RCBTB2: variants seen among roughly 807,000 people sequenced by gnomAD.
RCBTB2 encodes RCC1 and BTB domain-containing protein 2.
RCBTB2 carries 55 observed loss-of-function variants against 65.4 expected under a neutral mutation model. That is an observed-to-expected ratio of 0.84 (90% CI 0.68 to 1.05). The LOEUF (loss-of-function observed/expected upper bound fraction) is 1.05. Ranked by LOEUF, RCBTB2 falls within the 50% of genes least tolerant of loss-of-function variation. The pLI is 0.00. For synonymous variants in RCBTB2, 220 were observed against 255.2 expected (o/e 0.86, Z 1.31); for missense variants, 599 against 680.1 (o/e 0.88, Z 1.33).
At chr13:48,523,797 G>T (rs1951555713) in intron 2 of RCBTB2, among the ~76,000 whole-genome samples, 1 of 152,040 alleles carries the variant, frequency 6.6e-6, no homozygotes, top group African/African-American at 2.4e-5. Flanking sequence ...CTTTTGAGTA[G>T]GAAATAACCT....
intron 3 of RCBTB2, among the ~76,000 whole-genome samples, 172 bp from the exon 4 acceptor site, chr13:48,522,134 A>G (rs1349973353): frequency 1.3e-5 from 2 of 152,222 alleles, no homozygotes; most frequent in Non-Finnish European, 2.9e-5. Flanking sequence ...TAAAACTCCA[A>G]AAATGTTTTA....
chr13:48,533,000 C>T (rs1455081071), intron 1 of RCBTB2, 28 bp downstream of exon 1: 1 of 455,566 alleles, frequency 2.2e-6, no homozygotes, highest in East Asian at 7.0e-5. Context: ...CCCCCTCGGC[C>T]TCCCACACCA....
chr13:48,502,489 T>C (rs1214177413), intron 11 of RCBTB2, among the ~76,000 whole-genome samples: 1 of 151,998 alleles, frequency 6.6e-6, no homozygotes, highest in African/African-American at 2.4e-5. Flanking sequence ...CAAGACCTCA[T>C]CTTTCTCTCT....
chr13:48,501,681 A>G, intron 12 of RCBTB2, 61 bp downstream of exon 12: 1 of 1,446,042 alleles, frequency 6.9e-7, no homozygotes. Flanking sequence ...ATAGTTGGAC[A>G]CTTAGAATAT....
chr13:48,507,152 T>C (rs1950545541), intron 10 of RCBTB2, among the ~76,000 whole-genome samples: 1 of 152,210 alleles, frequency 6.6e-6, no homozygotes, highest in Non-Finnish European at 1.5e-5. Context: ...TTGTGACATA[T>C]ACCTGGCACA....
chr13:48,518,483 A>G (rs2138588521), intron 4 of RCBTB2, among the ~76,000 whole-genome samples: 1 of 145,970 alleles, frequency 6.9e-6, no homozygotes, highest in South Asian at 2.1e-4. Flanking sequence ...ATATATATAT[A>G]TATATATATA....
intron 14 of RCBTB2, 144 bp downstream of exon 14, chr13:48,496,047 G>A (rs969956075): frequency 1.7e-5 from 11 of 629,502 alleles, no homozygotes; most frequent in African/African-American, 3.8e-5. Context: ...TTGCTTATAC[G>A]TTGTCTAGTA....
At chr13:48,526,851 G>A (rs1156389807) in intron 1 of RCBTB2, among the ~76,000 whole-genome samples, 1 of 152,012 alleles carries the variant, frequency 6.6e-6, no homozygotes, top group African/African-American at 2.4e-5. Flanking sequence ...GGGAGGCAGA[G>A]GTTACAGTGA....
At chr13:48,500,233 C>A (rs9316384) in intron 12 of RCBTB2, among the ~76,000 whole-genome samples, 16,551 of 152,174 alleles carry the variant, frequency 0.11, 2,383 homozygotes, top group African/African-American at 0.33. Flanking sequence ...CTAGGGTGGG[C>A]CCTAATCCAA....
chr13:48,515,432 C>A lies in RCBTB2; in HGVS notation c.199-77G>T, dbSNP rs557219849. The A allele has an allele frequency of 6.9e-6, 10 of 1,457,264 alleles. No individual in the cohort carries two copies. The South Asian group carries it at 1.2e-4, about 17-fold the overall frequency. 90.3% of individuals were successfully genotyped at this position (1,457,264 alleles called of 1,614,324 possible). A position where few individuals can be genotyped will look rare whatever the true frequency, so the allele number is the denominator to read the frequency against. On this transcript the variant is annotated intron_variant, in intron 5 of 14. Coordinates refer to ENST00000344532, the MANE Select transcript of RCBTB2 (RefSeq NM_001268.4). ...TAAATTACATCCAAACAGGAATCAT[C>A]TTCCTTAAGCAAACTGCTTCTTTAT...
intron 10 of RCBTB2, among the ~76,000 whole-genome samples, chr13:48,506,877 CTA>C (rs1233616967): frequency 1.3e-5 from 2 of 152,176 alleles, no homozygotes; most frequent in East Asian, 3.8e-4. Context: ...GGGTAATGTT[CTA>C]TGAAAAATGT....
chr13:48,522,046 C>G, intron 3 of RCBTB2, 84 bp from the exon 4 acceptor site: 1 of 1,160,770 alleles, frequency 8.6e-7, no homozygotes, highest in East Asian at 2.3e-5. Flanking sequence ...TTCTAATTAG[C>G]AGGGAAAATA....
At chr13:48,527,162 G>A (rs145924662) in intron 1 of RCBTB2, among the ~76,000 whole-genome samples, 28 of 151,418 alleles carry the variant, frequency 1.8e-4, no homozygotes, top group Non-Finnish European at 3.7e-4. Context: ...GCTGGCAACA[G>A]TATTGGGAAG....
intron 9 of RCBTB2, among the ~76,000 whole-genome samples, chr13:48,511,304 T>C (rs1200447287): frequency 6.6e-6 from 1 of 152,228 alleles, no homozygotes; most frequent in Non-Finnish European, 1.5e-5. Context: ...TTGTATACAA[T>C]ACATCATCTC....
At chr13:48,511,104 A>G (rs1950767783) in intron 9 of RCBTB2, among the ~76,000 whole-genome samples, 1 of 152,204 alleles carries the variant, frequency 6.6e-6, no homozygotes, top group Admixed American at 6.5e-5. Context: ...AACATGTTCA[A>G]TTTGAAAAAT....
intron 10 of RCBTB2, among the ~76,000 whole-genome samples, chr13:48,510,316 A>T (rs1009343668): frequency 2.0e-5 from 3 of 152,176 alleles, no homozygotes; most frequent in African/African-American, 7.2e-5. Flanking sequence ...AAAACAGGAA[A>T]AGGAGGAGGG....
rs182079819 is a variant in RCBTB2 at position 48,528,815 on chromosome 13, T to A, written c.-218-4058A>T. Among the ~76,000 whole-genome samples, 14 of 152,260 alleles carry A rather than the reference T, an allele frequency of 9.2e-5. No homozygotes were observed. In the East Asian group the frequency reaches 2.7e-3, roughly 29 times the overall value. Reference sequence around the variant, plus strand: ...AACAGTAAAATACCTACATGGCTAATTAAAATGGAACAATTATAAACAGGA... The same window carrying A: ...AACAGTAAAATACCTACATGGCTAAATAAAATGGAACAATTATAAACAGGA... On this transcript the variant is annotated intron_variant, in intron 1 of 14. Transcript: ENST00000344532.
intron 1 of RCBTB2, among the ~76,000 whole-genome samples, chr13:48,531,569 C>G (rs1434772638): frequency 1.3e-5 from 2 of 152,176 alleles, no homozygotes; most frequent in African/African-American, 4.8e-5. Flanking sequence ...CTGGAAATAC[C>G]AAACGCAGAC....
At chr13:48,527,329 A>ATATGATATATATT (rs1951808136) in intron 1 of RCBTB2, among the ~76,000 whole-genome samples, 1 of 80,962 alleles carries the variant, frequency 1.2e-5, no homozygotes, top group Non-Finnish European at 2.5e-5. Flanking sequence ...TCATATATAT[A>ATATGATATATATT]TATATATGAT....
Sources: allele counts gnomAD v4.1 joint callset (sites outside exome capture counted in the v4.1 genomes callset), GRCh38; gene constraint gnomAD v4.1.1; transcripts MANE v1.5; gene names NCBI Gene and HGNC (gene_info 2026-07-23, HGNC 2026-07-21).